Variants in CACNA2D3 observed in about 807,000 individuals in gnomAD.
CACNA2D3 encodes voltage-dependent calcium channel subunit alpha-2/delta-3.
CACNA2D3 carries 60 observed loss-of-function variants against 160.6 expected under a neutral mutation model. That is an observed-to-expected ratio of 0.37 (90% CI 0.30 to 0.46). The LOEUF is 0.46. CACNA2D3 is among the 20% of genes least tolerant of loss of function. The probability of loss-of-function intolerance (pLI) is 1.00; values close to 1 mark genes in which losing one functional copy is unlikely to be tolerated. For synonymous variants in CACNA2D3, 558 were observed against 492.9 expected (o/e 1.13, Z -1.75); for missense variants, 1,205 against 1,365.0 (o/e 0.88, Z 1.85).
At chr3:54,588,749 C>T (rs76384053) in intron 9 of CACNA2D3, among the ~76,000 whole-genome samples, 2,988 of 152,012 alleles carry the variant, frequency 0.02, 138 homozygotes, top group East Asian at 0.19. Context: ...TGTATATAGG[C>T]TGTATTTGCT....
intron 4 of CACNA2D3, among the ~76,000 whole-genome samples, chr3:54,471,174 A>T (rs994659238): frequency 1.3e-5 from 2 of 152,230 alleles, no homozygotes; most frequent in African/African-American, 4.8e-5. Flanking sequence ...AACACTCCTC[A>T]GCAAATGCAA....
chr3:54,276,969 G>A (rs1702757114), intron 2 of CACNA2D3, among the ~76,000 whole-genome samples: 1 of 152,216 alleles, frequency 6.6e-6, no homozygotes, highest in Admixed American at 6.5e-5. Flanking sequence ...CCGCAGGCAT[G>A]CCGCTTCTTG....
chr3:54,730,480 T>C (rs980774816), intron 11 of CACNA2D3, among the ~76,000 whole-genome samples: 2 of 151,522 alleles, frequency 1.3e-5, no homozygotes, highest in African/African-American at 4.8e-5. Flanking sequence ...ACAAGTTAGA[T>C]TGAAACAGAA....
intron 34 of CACNA2D3, among the ~76,000 whole-genome samples, chr3:55,015,873 G>C (rs916614275): frequency 6.6e-5 from 10 of 152,122 alleles, no homozygotes; most frequent in Admixed American, 3.3e-4. Flanking sequence ...AAAAGATTTG[G>C]GAAGAGAATG....
chr3:54,876,627 A>T (rs533587663), intron 18 of CACNA2D3, among the ~76,000 whole-genome samples: 1 of 152,352 alleles, frequency 6.6e-6, no homozygotes, highest in East Asian at 1.9e-4. Flanking sequence ...CTGATTTGGG[A>T]AGCAGAGGTT....
chr3:54,834,259 A>G (rs1698611516), intron 14 of CACNA2D3, among the ~76,000 whole-genome samples: 1 of 152,206 alleles, frequency 6.6e-6, no homozygotes, highest in Non-Finnish European at 1.5e-5. Flanking sequence ...CATCCATGTT[A>G]CATGTTGGCA....
At chr3:54,599,618 GA>G (rs979142260) in intron 9 of CACNA2D3, among the ~76,000 whole-genome samples, 104 of 152,152 alleles carry the variant, frequency 6.8e-4, no homozygotes, top group African/African-American at 2.5e-3. Flanking sequence ...TGGGGGGGAG[GA>G]AAAAACCTCT....
At chr3:54,896,039 T>C (rs964385277) in intron 25 of CACNA2D3, among the ~76,000 whole-genome samples, 1 of 152,164 alleles carries the variant, frequency 6.6e-6, no homozygotes, top group Non-Finnish European at 1.5e-5. Context: ...AAAGCTTGCA[T>C]GTGTTTCTGT....
At chr3:55,003,303 C>T (rs549752134) in intron 31 of CACNA2D3, among the ~76,000 whole-genome samples, 5 of 152,168 alleles carry the variant, frequency 3.3e-5, no homozygotes, top group Admixed American at 6.5e-5. Flanking sequence ...GAGGGGATGC[C>T]GAAGGGAAGG....
intron 2 of CACNA2D3, among the ~76,000 whole-genome samples, chr3:54,142,915 A>G (rs2107269933): frequency 6.6e-6 from 1 of 152,282 alleles, no homozygotes; most frequent in South Asian, 2.1e-4. Flanking sequence ...ATCTGTGAAA[A>G]TGATTGTGCT....
intron 2 of CACNA2D3, among the ~76,000 whole-genome samples, chr3:54,275,141 C>A (rs1372423112): frequency 1.3e-5 from 2 of 152,186 alleles, no homozygotes; most frequent in Non-Finnish European, 2.9e-5. Flanking sequence ...CTAATGAGAT[C>A]GTGTATCTTG....
intron 35 of CACNA2D3, among the ~76,000 whole-genome samples, chr3:55,069,606 T>C (rs1001240095): frequency 1.3e-5 from 2 of 152,246 alleles, no homozygotes; most frequent in Admixed American, 6.5e-5. Flanking sequence ...CTGAGTTCTT[T>C]TATTAGTTCT....
chr3:54,939,941 C>T (rs546010444), intron 27 of CACNA2D3, among the ~76,000 whole-genome samples: 1 of 152,296 alleles, frequency 6.6e-6, no homozygotes, highest in South Asian at 2.1e-4. Flanking sequence ...ATGACCACTC[C>T]CTTTCCATGA....
chr3:54,461,939 C>T (rs1427148703), intron 4 of CACNA2D3, among the ~76,000 whole-genome samples: 1 of 152,346 alleles, frequency 6.6e-6, no homozygotes, highest in Non-Finnish European at 1.5e-5. Flanking sequence ...CCTCTACACA[C>T]TGCTTTGAAT....
At chr3:54,401,411 A>C (rs1699461665) in intron 4 of CACNA2D3, among the ~76,000 whole-genome samples, 1 of 152,212 alleles carries the variant, frequency 6.6e-6, no homozygotes, top group Non-Finnish European at 1.5e-5. Context: ...AAGTCCCCAA[A>C]CAAGTTCAAC....
chr3:54,322,968 C>T (rs1413783316), intron 3 of CACNA2D3, among the ~76,000 whole-genome samples: 2 of 152,150 alleles, frequency 1.3e-5, no homozygotes, highest in South Asian at 4.1e-4. Flanking sequence ...AATGCACAGG[C>T]CTTCTGTAAT....
At chr3:54,769,123 A>G (rs752287913) in intron 13 of CACNA2D3, among the ~76,000 whole-genome samples, 5 of 152,124 alleles carry the variant, frequency 3.3e-5, no homozygotes, top group Admixed American at 6.5e-5. Flanking sequence ...AAACCCCATC[A>G]TTTATACGGG....
intron 12 of CACNA2D3, among the ~76,000 whole-genome samples, chr3:54,758,560 T>C (rs1007078788): frequency 5.9e-5 from 9 of 152,172 alleles, no homozygotes; most frequent in African/African-American, 2.2e-4. Context: ...CCTTTTTCTA[T>C]AGAAATAAGT....
At chr3:54,348,714 T>C (rs1245454493) in intron 3 of CACNA2D3, among the ~76,000 whole-genome samples, 1 of 152,210 alleles carries the variant, frequency 6.6e-6, no homozygotes, top group Non-Finnish European at 1.5e-5. Flanking sequence ...ACACACCTAA[T>C]TGTGACTGTT....
Sources: gnomAD v4.1 joint callset for allele counts (sites outside exome capture counted in the v4.1 genomes callset) on GRCh38, gnomAD v4.1.1 for gene constraint, MANE v1.5 for transcripts, NCBI Gene and HGNC (gene_info 2026-07-23, HGNC 2026-07-21) for gene names.